The following UNC79 variants were observed in gnomAD, a reference collection of about 807,000 sequenced individuals.
The protein encoded by UNC79 is unc-79 subunit of NALCN channel complex.
Under a neutral mutation model 283.1 loss-of-function variants are expected in UNC79, and 37 were observed. The observed-to-expected ratio is 0.13, with a 90% CI of 0.10 to 0.17. The LOEUF is 0.17. Among genes scored for constraint, UNC79 ranks in the 10% least tolerant of loss-of-function variants. The probability of loss-of-function intolerance (pLI) is 1.00; values close to 1 mark genes in which losing one functional copy is unlikely to be tolerated. For synonymous variants in UNC79, 1,107 were observed against 1,200.2 expected (o/e 0.92, Z 1.61); for missense variants, 2,272 against 3,211.1 (o/e 0.71, Z 7.07).
intron 32 of UNC79, among the ~76,000 whole-genome samples, chr14:93,640,858 T>C (rs1005813892): frequency 6.6e-6 from 1 of 152,190 alleles, no homozygotes; most frequent in Non-Finnish European, 1.5e-5. Flanking sequence ...TTGTCTTTCA[T>C]CTTTGTCTTT....
intron 4 of UNC79, among the ~76,000 whole-genome samples, chr14:93,481,014 G>A (rs1256289503): frequency 6.6e-6 from 1 of 152,160 alleles, no homozygotes; most frequent in African/African-American, 2.4e-5. Context: ...GATCTTTGAA[G>A]TGGACCTAAT....
At chr14:93,333,506 A>AGTGAGCACTTGTCTATC (rs1315445343) in exon 1 of UNC79, 4 of 398,498 alleles carry the variant, frequency 1.0e-5, no homozygotes, top group South Asian at 1.3e-4. Context: ...GCTTCTTGGC[A>AGTGAGCACTTGTCTATC]GTGAGCACTT....
intron 5 of UNC79, among the ~76,000 whole-genome samples, chr14:93,493,643 A>C (rs2058844869): frequency 6.6e-6 from 1 of 152,044 alleles, no homozygotes; most frequent in Admixed American, 6.6e-5. Flanking sequence ...AACTGGATGC[A>C]TGGTGGTCAT....
chr14:93,603,498 G>T, intron 26 of UNC79, 80 bp downstream of exon 26: 2 of 1,496,082 alleles, frequency 1.3e-6, no homozygotes, highest in Non-Finnish European at 9.0e-7. Context: ...AATGTTCACA[G>T]AGAGTATAGC....
intron 1 of UNC79, among the ~76,000 whole-genome samples, chr14:93,424,101 G>T (rs574587235): frequency 3.3e-5 from 5 of 152,232 alleles, no homozygotes; most frequent in Non-Finnish European, 5.9e-5. Flanking sequence ...TGGCAAACGG[G>T]CATATGAAAA....
intron 13 of UNC79, 42 bp from the exon 14 acceptor site, chr14:93,542,424 A>T: frequency 6.4e-7 from 1 of 1,565,358 alleles, no homozygotes; most frequent in Non-Finnish European, 8.7e-7. Flanking sequence ...TTTTGTAAAG[A>T]TGGATGGAAG....
intron 5 of UNC79, among the ~76,000 whole-genome samples, chr14:93,493,596 G>C (rs1001824883): frequency 6.6e-6 from 1 of 152,102 alleles, no homozygotes; most frequent in Non-Finnish European, 1.5e-5. Flanking sequence ...GATAGGACTT[G>C]GTAACATATT....
chr14:93,540,577 C>A, intron 12 of UNC79, 83 bp from the exon 13 acceptor site: 1 of 1,482,686 alleles, frequency 6.7e-7, no homozygotes, highest in South Asian at 1.3e-5. Context: ...CTTGAGTACT[C>A]GTGAGGTACT....
chr14:93,346,327 A>G (rs919205688), intron 1 of UNC79, among the ~76,000 whole-genome samples: 2 of 152,214 alleles, frequency 1.3e-5, no homozygotes, highest in African/African-American at 4.8e-5. Context: ...ACAGTACTAA[A>G]TTTAAAAATC....
Position 93,612,804 on chromosome 14 carries a change from A to G in UNC79, c.3762A>G (p.Gln1254=), listed in dbSNP as rs967596948. 7 of 1,612,792 alleles carry G rather than the reference A, an allele frequency of 4.3e-6. No individual in the cohort carries two copies. Among genetic ancestry groups the G allele is most frequent in the East Asian group, 2.2e-5 (1 of 44,852 alleles). Residue 1254 remains glutamine, a synonymous_variant, in exon 27 of 49, where the codon CAA becomes CAG. Coordinates refer to ENST00000555664, the Ensembl canonical transcript of UNC79. ...CCTTTCTTCTACTGACAGGACAACA[A>G]TCTCCTGAGAATGACAACACCATCA...
rs1208044802 is a variant in UNC79 at position 93,617,265 on chromosome 14, G to A, written c.4185G>A (p.Arg1395=). 6.2e-7 allele frequency: 1 copy of A among 1,614,126 alleles called. No individual in the cohort carries two copies. Among genetic ancestry groups the A allele is most frequent in the Non-Finnish European group, 8.5e-7 (1 of 1,180,014 alleles). Residue 1395 remains arginine (R), a synonymous_variant, in exon 28 of 49, where the codon CGG becomes CGA. Coordinates refer to ENST00000555664, the Ensembl canonical transcript of UNC79. The surrounding 1 kb of genome is among the most constrained non-coding windows in gnomAD (Gnocchi z 4.5). ...TCTGGTCCCTAAAGCCTCACATCCG[G>A]CAGATGTGGTTGAAGGCCTTGCTTG...
At chr14:93,339,114 A>G (rs2053644659) in intron 1 of UNC79, among the ~76,000 whole-genome samples, 1 of 152,174 alleles carries the variant, frequency 6.6e-6, no homozygotes, top group Non-Finnish European at 1.5e-5. Flanking sequence ...TCCTTGACAT[A>G]AGTAATGCCA....
At chr14:93,447,459 CCCA>C (rs1404364561) in intron 1 of UNC79, among the ~76,000 whole-genome samples, 1 of 151,770 alleles carries the variant, frequency 6.6e-6, no homozygotes, top group African/African-American at 2.4e-5. Flanking sequence ...TGTTATAAAC[CCCA>C]CAAGATAATG....
intron 35 of UNC79, among the ~76,000 whole-genome samples, chr14:93,647,398 C>T (rs893867764): frequency 6.6e-6 from 1 of 152,010 alleles, no homozygotes; most frequent in African/African-American, 2.4e-5. Context: ...TAGAGAGTGC[C>T]CGGAGCTGGT....
intron 1 of UNC79, among the ~76,000 whole-genome samples, chr14:93,434,836 T>TC (rs1555408512): frequency 6.6e-6 from 1 of 152,194 alleles, no homozygotes; most frequent in South Asian, 2.1e-4. Context: ...TAACAATTAT[T>TC]ATCATCATCA....
chr14:93,352,778 T>C (rs548538047), intron 1 of UNC79, among the ~76,000 whole-genome samples: 1 of 152,348 alleles, frequency 6.6e-6, no homozygotes, highest in South Asian at 2.1e-4. Flanking sequence ...ATACAGATGC[T>C]CTTGGACTTA....
intron 20 of UNC79, 106 bp from the exon 21 acceptor site, chr14:93,586,490 A>G (rs912154622): frequency 2.9e-5 from 28 of 973,600 alleles, no homozygotes; most frequent in Non-Finnish European, 3.5e-5. Flanking sequence ...AATTTTGCAT[A>G]TATGTCAATT....
At chr14:93,656,391 A>G (rs2070934101) in intron 38 of UNC79, among the ~76,000 whole-genome samples, 1 of 151,904 alleles carries the variant, frequency 6.6e-6, no homozygotes, top group African/African-American at 2.4e-5. Flanking sequence ...GATCGCTTGA[A>G]CCCAGGAGTT....
rs537494234 is a variant in UNC79, at chr14:93,686,549, C to T, written c.6820-23C>T. The T allele has an allele frequency of 1.8e-4, 283 of 1,612,918 alleles. 3 individuals carry two copies. The South Asian group carries it at 2.8e-3, about 16-fold the overall frequency. On this transcript the variant is annotated intron_variant, in intron 42 of 48. Transcript: ENST00000555664. Reference sequence around the variant, plus strand: ...GTCAGGGCAAAAATGAAGGTGTGACCCAGCTGTGTCCTTGTGTTTCAGTGT... The same window carrying T: ...GTCAGGGCAAAAATGAAGGTGTGACTCAGCTGTGTCCTTGTGTTTCAGTGT...
Sources: gnomAD v4.1 joint callset for allele counts (sites outside exome capture counted in the v4.1 genomes callset) on GRCh38, gnomAD v4.1.1 for gene constraint, Gnocchi (gnomAD v3.1) non-coding constraint, MANE v1.5 for transcripts, NCBI Gene and HGNC (gene_info 2026-07-23, HGNC 2026-07-21) for gene names.